The following SDK1 variants were observed in gnomAD, a reference collection of about 807,000 sequenced individuals.
SDK1 encodes the protein protein sidekick-1.
A neutral mutation model predicts 245.5 loss-of-function variants in SDK1; 157 were observed. The observed-to-expected ratio is 0.64, with a 90% CI of 0.56 to 0.73. The LOEUF is 0.73. Ranked by LOEUF, SDK1 falls within the 30% of genes least tolerant of loss-of-function variation. The pLI is 0.00. For missense variants in SDK1, 3,583 were observed against 3,002.3 expected, an observed-to-expected ratio of 1.19 and a Z score of -4.52; for synonymous variants, 1,647 against 1,278.5, an observed-to-expected ratio of 1.29 and a Z score of -6.15.
intron 1 of SDK1, among the ~76,000 whole-genome samples, chr7:3,571,787 G>A (rs1780124803): frequency 6.6e-6 from 1 of 152,056 alleles, no homozygotes; most frequent in Non-Finnish European, 1.5e-5. Context: ...CTTGGATGGA[G>A]CAGTTCCAGC....
chr7:4,029,228 T>TTTTTTTTTTTTTTTTTTTTTTTTGTG (rs746967075), intron 17 of SDK1, among the ~76,000 whole-genome samples: 1 of 112,088 alleles, frequency 8.9e-6, no homozygotes, highest in Non-Finnish European at 1.7e-5. Context: ...TTTTTTTTTT[T>TTTTTTTTTTTTTTTTTTTTTTTTGTG]TGTGAAGAAG....
chr7:3,466,269 C>T (rs183534752), intron 1 of SDK1, among the ~76,000 whole-genome samples: 16 of 151,724 alleles, frequency 1.1e-4, no homozygotes, highest in Admixed American at 3.3e-4. Context: ...GAGCCGTGTT[C>T]TGCAGGCTCT....
chr7:3,990,393 G>C (rs548589461), intron 14 of SDK1, among the ~76,000 whole-genome samples: 1 of 152,382 alleles, frequency 6.6e-6, no homozygotes, highest in South Asian at 2.1e-4. Context: ...ATAGAAACCA[G>C]CGTGTGTGCA....
At chr7:3,938,309 C>G (rs1780231365) in intron 5 of SDK1, among the ~76,000 whole-genome samples, 1 of 152,102 alleles carries the variant, frequency 6.6e-6, no homozygotes, top group Admixed American at 6.5e-5. Context: ...GATGGTTCTT[C>G]TATTCAGTGG....
At chr7:4,111,668 A>G (rs1044247801) in intron 23 of SDK1, among the ~76,000 whole-genome samples, 2 of 152,242 alleles carry the variant, frequency 1.3e-5, no homozygotes, top group African/African-American at 4.8e-5. Flanking sequence ...TTGGGATTCA[A>G]GACTTACCAT....
intron 32 of SDK1, among the ~76,000 whole-genome samples, chr7:4,165,792 G>T (rs1781463790): frequency 6.7e-6 from 1 of 149,422 alleles, no homozygotes; most frequent in Admixed American, 6.7e-5. Context: ...GCCCAGCCTT[G>T]TGTTTTCTTT....
At position 4,079,675 on chromosome 7, in the gene SDK1, G is replaced by T; in HGVS notation, c.3324+91G>T. 2.6e-6 allele frequency: 4 copies of T among 1,549,240 alleles called. No homozygotes were observed. The South Asian group carries it at 4.8e-5, about 19-fold the overall frequency. On this transcript the variant is annotated intron_variant, in intron 22 of 44. Coordinates refer to ENST00000404826, the MANE Select transcript of SDK1 (RefSeq NM_152744.4). Reference sequence around the variant, plus strand: ...GGTACCCCTGCAGATGATGGCTTGGGGTGTCGGGGAGATGGGTGTGCTTGG... The same window carrying T: ...GGTACCCCTGCAGATGATGGCTTGGTGTGTCGGGGAGATGGGTGTGCTTGG...
intron 4 of SDK1, among the ~76,000 whole-genome samples, chr7:3,744,457 G>C (rs1779560462): frequency 6.6e-6 from 1 of 152,046 alleles, no homozygotes; most frequent in East Asian, 1.9e-4. Flanking sequence ...AATTCATACA[G>C]TATAACCTAG....
chr7:3,797,394 T>C (rs778010213), intron 4 of SDK1, among the ~76,000 whole-genome samples: 1 of 152,050 alleles, frequency 6.6e-6, no homozygotes, highest in Non-Finnish European at 1.5e-5. Flanking sequence ...ATGTATATTT[T>C]CTTATTTTTC....
At chr7:3,465,509 C>G (rs1193964786) in intron 1 of SDK1, among the ~76,000 whole-genome samples, 1 of 152,128 alleles carries the variant, frequency 6.6e-6, no homozygotes, top group Non-Finnish European at 1.5e-5. Context: ...TTATTTAATA[C>G]CCACAGAAGC....
chr7:4,226,322 G>C (rs1334270032), intron 40 of SDK1, among the ~76,000 whole-genome samples: 1 of 152,190 alleles, frequency 6.6e-6, no homozygotes, highest in Admixed American at 6.5e-5. Context: ...GGCTCGGCCT[G>C]ATGTCTCTCT....
At chr7:3,377,282 T>C (rs761911560) in intron 1 of SDK1, among the ~76,000 whole-genome samples, 1 of 152,148 alleles carries the variant, frequency 6.6e-6, no homozygotes, top group Non-Finnish European at 1.5e-5. Flanking sequence ...CTTCAAGTCC[T>C]GATGGTCCTC....
intron 4 of SDK1, among the ~76,000 whole-genome samples, chr7:3,651,973 G>A (rs745524017): frequency 1.3e-5 from 2 of 152,142 alleles, no homozygotes; most frequent in Non-Finnish European, 2.9e-5. Flanking sequence ...TTATATTTCC[G>A]AGAAGATTGC....
rs955807630 is a variant in SDK1 at position 3,944,984 on chromosome 7, C to T, written c.848-5939C>T. 3.3e-5 allele frequency among the ~76,000 whole-genome samples: 5 copies of T among 152,098 alleles called. No homozygotes were observed. In the South Asian group the frequency reaches 1.0e-3, roughly 32 times the overall value. ...ATTGCTAGTTTGTATAAAGAACAGT[C>T]TATGTTGTAATCCCAGCTACTCAGG... On this transcript the variant is annotated intron_variant, in intron 5 of 44. Transcript: ENST00000404826.
intron 1 of SDK1, among the ~76,000 whole-genome samples, chr7:3,351,381 T>G (rs535981351): frequency 2.8e-4 from 42 of 152,254 alleles, no homozygotes; most frequent in Non-Finnish European, 5.1e-4. Flanking sequence ...CACCACTGTC[T>G]ACTATGAAGA....
chr7:4,251,531 C>A (rs1056499818), intron 44 of SDK1, among the ~76,000 whole-genome samples: 1 of 152,212 alleles, frequency 6.6e-6, no homozygotes, highest in Non-Finnish European at 1.5e-5. Context: ...GTAGGTACTG[C>A]TGATTAGAAA....
intron 1 of SDK1, among the ~76,000 whole-genome samples, chr7:3,504,793 C>G (rs932065553): frequency 1.4e-5 from 2 of 144,324 alleles, no homozygotes; most frequent in African/African-American, 2.6e-5. Context: ...AAAAAAAAAA[C>G]CATACTTGGC....
At chr7:4,068,669 G>A (rs559016160) in intron 20 of SDK1, among the ~76,000 whole-genome samples, 66 of 152,082 alleles carry the variant, frequency 4.3e-4, no homozygotes, top group African/African-American at 1.5e-3. Context: ...TGGTTTGAGG[G>A]GGTCTCTGTG....
intron 40 of SDK1, among the ~76,000 whole-genome samples, chr7:4,226,217 G>A (rs1033848951): frequency 3.3e-5 from 5 of 152,310 alleles, no homozygotes; most frequent in African/African-American, 4.8e-5. Context: ...AATGGGCCCC[G>A]TTTTGTATTG....
Sources: gnomAD v4.1 joint callset for allele counts (sites outside exome capture counted in the v4.1 genomes callset) on GRCh38, gnomAD v4.1.1 for gene constraint, MANE v1.5 for transcripts, NCBI Gene and HGNC (gene_info 2026-07-23, HGNC 2026-07-21) for gene names.